The following CEP250 variants were observed in gnomAD, a reference collection of about 807,000 sequenced individuals.
CEP250 encodes the protein centrosome-associated protein CEP250.
Under a neutral mutation model 315.7 loss-of-function variants are expected in CEP250, and 242 were observed. That is an observed-to-expected ratio of 0.77 (90% CI 0.69 to 0.85). The LOEUF is 0.85. Ranked by LOEUF, CEP250 falls within the 40% of genes least tolerant of loss-of-function variation. The probability of loss-of-function intolerance (pLI) is 0.00; values close to 1 mark genes in which losing one functional copy is unlikely to be tolerated. For missense variants in CEP250, 2,515 were observed against 2,886.4 expected, an observed-to-expected ratio of 0.87 and a Z score of 2.95; for synonymous variants, 1,088 against 1,175.0, an observed-to-expected ratio of 0.93 and a Z score of 1.51.
chr20:35,476,462 T>C lies in CEP250; in HGVS notation c.1730T>C (p.Ile577Thr), dbSNP rs762285918. The C allele has an allele frequency of 6.2e-7, 1 of 1,613,616 alleles. No individual in the cohort carries two copies. The highest frequency in any genetic ancestry group is 8.5e-7 in the Non-Finnish European group (1 of 1,179,516). ...TAALARAEQS[I>T]AELSSSENTL... ...TTTGTTTTTTAGGCAGAGCAGTCAA[T>C]TGCAGAGCTGTCGAGTTCTGAAAAC... The change falls in exon 16 of 35, where the codon ATT becomes ACT. Residue 577 changes from isoleucine (I) to threonine (T), a missense_variant. Physicochemically the swap from Ile to Thr is moderately conservative, Grantham distance 89 (BLOSUM62 -1). Coordinates refer to ENST00000397527, the MANE Select transcript of CEP250 (RefSeq NM_007186.6).
rs2064385787 is a variant in CEP250 at position 35,512,676 on chromosome 20, A to G, written c.*1050A>G. 1 of 152,018 alleles carries G rather than the reference A, an allele frequency of 6.6e-6. No homozygotes were observed. Among genetic ancestry groups the G allele is most frequent in the African/African-American group, 2.4e-5 (1 of 41,378 alleles). 9.4% of individuals were successfully genotyped at this position (152,018 alleles called of 1,614,324 possible). A position where few individuals can be genotyped will look rare whatever the true frequency, so the allele number is the denominator to read the frequency against. On this transcript the variant is annotated 3_prime_UTR_variant, in exon 35 of 35. Coordinates refer to ENST00000397527, the MANE Select transcript of CEP250 (RefSeq NM_007186.6). Reference sequence around the variant, plus strand: ...ACAGGCTTAAGACCTATTGCTGGCAACCTCCTCAAAGCCTAAAAATTGTTT... The same window carrying G: ...ACAGGCTTAAGACCTATTGCTGGCAGCCTCCTCAAAGCCTAAAAATTGTTT...
chr20:35,495,749 C>CA (rs1601263445), intron 24 of CEP250, among the ~76,000 whole-genome samples: 2 of 151,430 alleles, frequency 1.3e-5, no homozygotes. Flanking sequence ...GACTCCATCT[C>CA]AAAAAAAGCA....
intron 10 of CEP250, 50 bp downstream of exon 10, chr20:35,470,036 C>T (rs1015293233): frequency 9.7e-6 from 12 of 1,240,276 alleles, no homozygotes; most frequent in Admixed American, 6.8e-5. Context: ...CTTGTAGGTT[C>T]CTTGTGCTTT....
chr20:35,455,169 G>A (rs2062585074), upstream of CEP250: 1 of 152,242 alleles, frequency 6.6e-6, no homozygotes, highest in African/African-American at 2.4e-5. Flanking sequence ...TCCCCCGCAG[G>A]GCCTTAGCAG....
At chr20:35,502,187 C>T (rs1402779640) in intron 29 of CEP250, among the ~76,000 whole-genome samples, 1 of 152,190 alleles carries the variant, frequency 6.6e-6, no homozygotes, top group Non-Finnish European at 1.5e-5. Flanking sequence ...GAAGGACCAG[C>T]GTCTCCCCTG....
chr20:35,509,025 C>T lies in CEP250; in HGVS notation c.6989C>T (p.Ala2330Val). ...AGSLEISKAT[A>V]SSPTQQDGRG... ...TCCCTAGAGATCAGCAAGGCCACGG[C>T]TTCTTCACCCACACAGCAGGTTTAC... Residue 2330 changes from alanine (A) to valine (V), a missense_variant, in exon 33 of 35, where the codon GCT (alanine) becomes GTT (valine). Transcript: ENST00000397527. 1 of 1,556,488 alleles carries T rather than the reference C, an allele frequency of 6.4e-7. No homozygotes were observed. The highest frequency in any genetic ancestry group is 1.2e-5 in the South Asian group (1 of 84,402).
rs1159947474 is a variant in CEP250 at position 35,455,648 on chromosome 20, G to A, written c.-401G>A. 1 of 152,136 alleles carries A rather than the reference G, an allele frequency of 6.6e-6. No individual in the cohort carries two copies. Among genetic ancestry groups the A allele is most frequent in the Admixed American group, 6.6e-5 (1 of 15,264 alleles). 9.4% of individuals were successfully genotyped at this position (152,136 alleles called of 1,614,324 possible). On this transcript the variant is annotated 5_prime_UTR_variant, in exon 1 of 35. Transcript: ENST00000397527. ...AGCTCCCATTCTTCAGGACCCTGCT[G>A]AAGTATCGCTTCTCAGCCGCCTTCT...
At chr20:35,509,967 T>G (rs769913578) in intron 33 of CEP250, 31 bp from the exon 34 acceptor site, 10 of 1,608,942 alleles carry the variant, frequency 6.2e-6, no homozygotes, top group Middle Eastern at 1.7e-4. Context: ...GGAAGGCCTA[T>G]GCCAACAAGA....
chr20:35,464,843 A>G (rs529063469), intron 5 of CEP250, among the ~76,000 whole-genome samples: 3 of 152,038 alleles, frequency 2.0e-5, no homozygotes, highest in Non-Finnish European at 2.9e-5. Flanking sequence ...AATCACTTGA[A>G]CCCAGGAGGC....
intron 23 of CEP250, among the ~76,000 whole-genome samples, chr20:35,493,988 C>CT (rs2147074866): frequency 6.6e-6 from 1 of 151,848 alleles, no homozygotes; most frequent in South Asian, 2.1e-4. Flanking sequence ...TTTTTTCCTT[C>CT]TTTTTGGTGG....
In CEP250 at chr20:35,473,943, C is replaced by T. The variant is rs151167358; in HGVS notation, c.1462C>T (p.Arg488Cys). ...QLEVLEQEAWRLRRVNVELQL... is the reference protein window; with the variant it reads ...QLEVLEQEAWCLRRVNVELQL... ...GGAGGTGCTAGAGCAGGAGGCATGG[C>T]GCCTGCGAAGGGTAAATGTGGAGCT... Residue 488 changes from arginine to cysteine, a missense_variant, in exon 14 of 35, where the codon CGC (arginine) becomes TGC (cysteine). Physicochemically the swap from Arg to Cys is radical, Grantham distance 180. Coordinates refer to ENST00000397527, the MANE Select transcript of CEP250 (RefSeq NM_007186.6). 163 of 1,612,130 alleles carry T rather than the reference C, an allele frequency of 1.0e-4. No homozygotes were observed. In the African/African-American group the frequency reaches 1.5e-3, roughly 15 times the overall value.
chr20:35,460,584 C>T (rs1013620967), intron 3 of CEP250, among the ~76,000 whole-genome samples: 2 of 152,142 alleles, frequency 1.3e-5, no homozygotes, highest in Non-Finnish European at 2.9e-5. Context: ...CCTGTCTAAA[C>T]GGGCAGGCAC....
At chr20:35,500,208 A>G (rs1371550727) in intron 28 of CEP250, 39 bp downstream of exon 28, 9 of 1,609,912 alleles carry the variant, frequency 5.6e-6, no homozygotes, top group Admixed American at 1.7e-5. Context: ...TGAGAGGGAG[A>G]AGGGATAGGT....
In CEP250 at chr20:35,504,465, A is replaced by G. The variant is rs1381514206; in HGVS notation, c.6096A>G (p.Arg2032=). The part of the protein sequence containing the change: ...QEGEIQDQDL[R]YQEDVQQLQQ... ...GTGAGATCCAGGACCAGGATCTCCG[A>G]TACCAGGAGGATGTGCAGCAGCTGC... Residue 2032 remains arginine, a synonymous_variant, in exon 30 of 35, where the codon CGA becomes CGG. Coordinates refer to ENST00000397527, the MANE Select transcript of CEP250 (RefSeq NM_007186.6). 6.2e-7 allele frequency: 1 copy of G among 1,613,280 alleles called. No individual in the cohort carries two copies. Among genetic ancestry groups the G allele is most frequent in the Admixed American group, 1.7e-5 (1 of 59,856 alleles).
Position 35,503,241 on chromosome 20 carries a change from G to C in CEP250, c.4872G>C (p.Glu1624Asp), listed in dbSNP as rs774075651. Residue 1624 changes from glutamate to aspartate, a missense_variant, in exon 30 of 35, where the codon GAG becomes GAC. Glu to Asp is a conservative substitution (Grantham distance 45). Transcript: ENST00000397527. The surrounding 1 kb of genome is among the most constrained non-coding windows in gnomAD (Gnocchi z 4.2). ...GCCACAGCACCGTTCTGGCAAGAGA[G>C]CTGCAGGAGAGGGACCAGGAGGTGA... is the stretch of plus-strand genomic sequence containing the variant. ...LESHSTVLAR[E>D]LQERDQEVKS... 11 of 1,614,238 alleles carry C rather than the reference G, an allele frequency of 6.8e-6. No individual in the cohort carries two copies. In the East Asian group the frequency reaches 1.8e-4, roughly 26 times the overall value.
chr20:35,514,709 C>A lies in CEP250; in HGVS notation c.*3083C>A, dbSNP rs949331717. On this transcript the variant is annotated 3_prime_UTR_variant, in exon 35 of 35. Transcript: ENST00000397527. ...AAGGAGGGTGGGGAGTGTACAGTTA[C>A]AGGCTGCACAGGGAGGGCAAGATCA... 6.6e-6 allele frequency: 1 copy of A among 152,248 alleles called. No homozygotes were observed. The highest frequency in any genetic ancestry group is 2.4e-5 in the African/African-American group (1 of 41,450). The allele number at this position is 152,248 out of a possible 1,614,324, so 9.4% of individuals were successfully genotyped here.
chr20:35,457,596 C>T (rs749216036), intron 1 of CEP250, among the ~76,000 whole-genome samples: 3 of 151,970 alleles, frequency 2.0e-5, no homozygotes, highest in Non-Finnish European at 4.4e-5. Context: ...CTCCTGGCCT[C>T]AAGAGATCCT....
chr20:35,497,292 C>G (rs2063865508), intron 25 of CEP250, among the ~76,000 whole-genome samples: 1 of 152,168 alleles, frequency 6.6e-6, no homozygotes, highest in Non-Finnish European at 1.5e-5. Flanking sequence ...ATCCATAAAA[C>G]AAGGGTGAAC....
At position 35,480,117 on chromosome 20, in the gene CEP250, A is replaced by C. The variant is rs1012772215; in HGVS notation, c.2558A>C (p.Lys853Thr). The C allele has an allele frequency of 6.2e-7, 1 of 1,612,394 alleles. No individual in the cohort carries two copies. Among genetic ancestry groups the C allele is most frequent in the Non-Finnish European group, 8.5e-7 (1 of 1,179,982 alleles). Residue 853 changes from lysine to threonine, a missense_variant, in exon 20 of 35, where the codon AAA (lysine) becomes ACA (threonine). Transcript: ENST00000397527. ...ALEQQKAAHE[K>T]EVNQLREKWE... is the part of the protein sequence containing the mutation. The stretch of plus-strand genomic sequence containing the variant: ...GAGCAGCAGAAGGCAGCCCATGAGA[A>C]AGAGGTGAACCAGCTCCGGGAGAAA...
Sources: allele counts gnomAD v4.1 joint callset (sites outside exome capture counted in the v4.1 genomes callset), GRCh38; gene constraint gnomAD v4.1.1; non-coding constraint Gnocchi (gnomAD v3.1); transcripts MANE v1.5; gene names NCBI Gene and HGNC (gene_info 2026-07-23, HGNC 2026-07-21).